Variants in RYR2 observed in about 807,000 individuals in gnomAD.
RYR2 encodes ryanodine receptor 2.
A neutral mutation model predicts 601.1 loss-of-function variants in RYR2; 227 were observed. The ratio of observed to expected loss-of-function variants is 0.38; its 90% CI spans 0.34 to 0.42. The LOEUF is 0.42. RYR2 is among the 10% of genes least tolerant of loss of function. The pLI is 1.00. For missense variants in RYR2, 4,646 were observed against 6,156.5 expected, an observed-to-expected ratio of 0.75 and a Z score of 8.21; for synonymous variants, 2,223 against 2,175.1, an observed-to-expected ratio of 1.02 and a Z score of -0.61.
chr1:237,459,770 G>T (rs746765453), intron 16 of RYR2, among the ~76,000 whole-genome samples: 6 of 152,284 alleles, frequency 3.9e-5, no homozygotes, highest in Non-Finnish European at 8.8e-5. Context: ...AACATTAATA[G>T]ACTTTACAAA....
At chr1:237,640,371 T>C (rs1681346289) in intron 46 of RYR2, among the ~76,000 whole-genome samples, 1 of 152,168 alleles carries the variant, frequency 6.6e-6, no homozygotes, top group Non-Finnish European at 1.5e-5. Context: ...TGTTGAGATA[T>C]GTTGGATTCT....
rs375915461 is a variant in RYR2, at chr1:237,666,571, A to G, written c.8496A>G (p.Thr2832=). The change falls in exon 57 of 105, where the codon ACA becomes ACG. Residue 2832 remains threonine (T), a synonymous_variant. Coordinates refer to ENST00000366574, the MANE Select transcript of RYR2 (RefSeq NM_001035.3). The part of the protein sequence containing the change: ...SPRAIDMSNV[T]LSRDLHAMAE... The stretch of plus-strand genomic sequence containing the variant: ...GGGCCATTGACATGAGCAATGTTAC[A>G]CTATCTAGAGACCTGCATGTAAGTA... The G allele has an allele frequency of 1.2e-5, 19 of 1,612,472 alleles. No individual in the cohort carries two copies. Among genetic ancestry groups the G allele is most frequent in the East Asian group, 2.2e-5 (1 of 44,876 alleles).
chr1:237,521,935 C>T (rs867318462), intron 24 of RYR2, among the ~76,000 whole-genome samples: 10 of 152,006 alleles, frequency 6.6e-5, no homozygotes, highest in African/African-American at 2.4e-4. Flanking sequence ...CATTCCATTC[C>T]ACCACAAGAT....
intron 1 of RYR2, among the ~76,000 whole-genome samples, chr1:237,117,060 G>C (rs550066519): frequency 6.6e-6 from 1 of 152,324 alleles, no homozygotes; most frequent in South Asian, 2.1e-4. Flanking sequence ...CATGGACCAG[G>C]AAGCAATAAC....
intron 3 of RYR2, among the ~76,000 whole-genome samples, chr1:237,350,301 C>T (rs1395133617): frequency 1.3e-5 from 2 of 151,578 alleles, no homozygotes; most frequent in Non-Finnish European, 2.9e-5. Context: ...AAGGGCTGGG[C>T]GCTGTGGCTC....
intron 1 of RYR2, among the ~76,000 whole-genome samples, chr1:237,252,523 A>G (rs936835675): frequency 3.3e-5 from 5 of 152,034 alleles, no homozygotes; most frequent in Non-Finnish European, 5.9e-5. Context: ...TTGTTTATCA[A>G]TCTCCTCCCA....
intron 1 of RYR2, among the ~76,000 whole-genome samples, chr1:237,129,228 A>G (rs2148692590): frequency 6.6e-6 from 1 of 152,294 alleles, no homozygotes; most frequent in African/African-American, 2.4e-5. Flanking sequence ...ATTTCCACGC[A>G]ACAGCTAGAG....
At chr1:237,231,230 T>C (rs996454055) in intron 1 of RYR2, among the ~76,000 whole-genome samples, 2 of 152,286 alleles carry the variant, frequency 1.3e-5, no homozygotes, top group African/African-American at 2.4e-5. Context: ...GGGGGTGAAA[T>C]GAATGCTTTT....
At chr1:237,389,990 G>T (rs1242399318) in intron 10 of RYR2, among the ~76,000 whole-genome samples, 1 of 152,198 alleles carries the variant, frequency 6.6e-6, no homozygotes, top group Non-Finnish European at 1.5e-5. Context: ...CAGGCAGGGG[G>T]CTGAGGATGG....
rs1573330149 is a variant in RYR2, at chr1:237,648,528, A to G, written c.7427A>G (p.Tyr2476Cys). 7 of 1,611,590 alleles carry G rather than the reference A, an allele frequency of 4.3e-6. No individual in the cohort carries two copies. The highest frequency in any genetic ancestry group is 5.9e-6 in the Non-Finnish European group (7 of 1,178,818). ...ATGGTTTTATTCCTTGACAGGGTCT[A>G]TGGGATTGAGGTTCAAGACTTCCTC... ...AAMVLFLDRV[Y>C]GIEVQDFLLH... is the part of the protein sequence containing the mutation. The change falls in exon 49 of 105, where the codon TAT becomes TGT. Residue 2476 changes from tyrosine (Y) to cysteine (C), a missense_variant. By Grantham distance (194) the Tyr-to-Cys change is radical. Around this residue, in one of 17 missense-constraint regions of RYR2, gnomAD observed 1,497 missense variants for 1,842.6 expected, o/e 0.81. Transcript: ENST00000366574.
intron 2 of RYR2, among the ~76,000 whole-genome samples, chr1:237,322,620 A>C (rs1487860681): frequency 2.0e-5 from 3 of 152,208 alleles, no homozygotes; most frequent in Non-Finnish European, 2.9e-5. Flanking sequence ...TGTTCACTGA[A>C]GGCTCTATCA....
intron 10 of RYR2, among the ~76,000 whole-genome samples, chr1:237,392,954 C>T (rs1702507105): frequency 1.3e-5 from 2 of 152,152 alleles, no homozygotes; most frequent in Non-Finnish European, 2.9e-5. Context: ...AAGAAGTTTA[C>T]ATTCTAGTGG....
At chr1:237,160,904 G>C (rs1198632389) in intron 1 of RYR2, among the ~76,000 whole-genome samples, 1 of 152,066 alleles carries the variant, frequency 6.6e-6, no homozygotes, top group East Asian at 1.9e-4. Context: ...AAGATAAACA[G>C]TTTCCACAAA....
rs1553460655 is a variant in RYR2 at position 237,461,841 on chromosome 1, G to GA, written c.1612+5106_1612+5107insA. Among the ~76,000 whole-genome samples the GA allele has an allele frequency of 2.1e-4, 32 of 151,324 alleles. No individual in the cohort carries two copies. The South Asian group carries it at 6.7e-3, about 32-fold the overall frequency. On this transcript the variant is annotated intron_variant, in intron 16 of 104. Transcript: ENST00000366574. ...GTTTCCACTGGATAGAATTATGAGA[G>GA]TTTTTTTAATGTTTTTGAGTTCTTA...
At chr1:237,674,573 T>C (rs915101927) in intron 59 of RYR2, among the ~76,000 whole-genome samples, 158 bp from the exon 60 acceptor site, 1 of 152,130 alleles carries the variant, frequency 6.6e-6, no homozygotes, top group Non-Finnish European at 1.5e-5. Context: ...ATCTTACTTT[T>C]TCTTTGAGCT....
intron 10 of RYR2, among the ~76,000 whole-genome samples, chr1:237,403,007 TTGGAGTCCCAAAA>T (rs1272663352): frequency 1.3e-5 from 2 of 149,960 alleles, no homozygotes; most frequent in African/African-American, 4.9e-5. Context: ...ATGCATGTAA[TTGGAGTCCCAAAA>T]TGAAAGGACA....
chr1:237,497,179 A>G (rs966450376), intron 20 of RYR2, among the ~76,000 whole-genome samples: 1 of 152,206 alleles, frequency 6.6e-6, no homozygotes, highest in African/African-American at 2.4e-5. Flanking sequence ...ATGGGAAGAA[A>G]TAGACTAAGT....
At position 237,494,423 on chromosome 1, in the gene RYR2, C is replaced by T. The variant is rs1212278399; in HGVS notation, c.1961+1336C>T. Reference sequence around the variant, plus strand: ...AAACTCAACCAGTCTAGTCTTTCTGCGTCCCTCTGTCTGCTTTTATTCTAG... The same window carrying T: ...AAACTCAACCAGTCTAGTCTTTCTGTGTCCCTCTGTCTGCTTTTATTCTAG... On this transcript the variant is annotated intron_variant, in intron 19 of 104. Transcript: ENST00000366574. Among the ~76,000 whole-genome samples the T allele has an allele frequency of 6.6e-5, 10 of 152,282 alleles. No individual in the cohort carries two copies. The South Asian group carries it at 1.5e-3, about 22-fold the overall frequency.
At chr1:237,581,174 G>A (rs955436550) in intron 29 of RYR2, among the ~76,000 whole-genome samples, 6 of 152,176 alleles carry the variant, frequency 3.9e-5, no homozygotes, top group African/African-American at 1.4e-4. Context: ...ATAGTTTATG[G>A]TAAAAGAACG....
Sources: allele counts gnomAD v4.1 joint callset (sites outside exome capture counted in the v4.1 genomes callset), GRCh38; gene constraint gnomAD v4.1.1; regional missense constraint gnomAD v4.1.1; transcripts MANE v1.5; gene names NCBI Gene and HGNC (gene_info 2026-07-23, HGNC 2026-07-21).